PSMA7: variants seen among roughly 807,000 people sequenced by gnomAD.
PSMA7 encodes the protein proteasome subunit alpha type-7.
In PSMA7, 5 loss-of-function variants were observed where a neutral mutation model predicts 31.3. That is an observed-to-expected ratio of 0.16 (90% confidence interval 0.08 to 0.34). The LOEUF (loss-of-function observed/expected upper bound fraction) is 0.34. PSMA7 is among the 10% of genes least tolerant of loss of function. PSMA7 has a pLI of 1.00. For synonymous variants in PSMA7, 155 were observed against 121.9 expected, an observed-to-expected ratio of 1.27 and a Z score of -1.79; for missense variants, 217 against 327.5, an observed-to-expected ratio of 0.66 and a Z score of 2.60.
chr20:62,142,607 G>GC (rs2043943916), intron 1 of PSMA7: 4 of 152,252 alleles, frequency 2.6e-5, no homozygotes, highest in Admixed American at 2.6e-4. Context: ...CTGCAGCCCG[G>GC]CCCCGGGAAG....
chr20:62,137,679 T>A (rs548187064), intron 5 of PSMA7, among the ~76,000 whole-genome samples: 1 of 152,274 alleles, frequency 6.6e-6, no homozygotes, highest in South Asian at 2.1e-4. Context: ...CTCCAGGCCC[T>A]CCTCTTGACA....
Position 62,139,866 on chromosome 20 carries a change from C to A in PSMA7, c.263G>T (p.Arg88Leu). 1 of 1,613,978 alleles carries A rather than the reference C, an allele frequency of 6.2e-7. No homozygotes were observed. Among genetic ancestry groups the A allele is most frequent in the Non-Finnish European group, 8.5e-7 (1 of 1,180,016 alleles). ...ADARIVINRARVECQSHRLTV... is the reference protein window; with the variant it reads ...ADARIVINRALVECQSHRLTV... The stretch of plus-strand genomic sequence containing the variant: ...CAGCCGGTGGCTCTGGCACTCCACC[C>A]GGGCCCTGTTGATGACTATCCTTGC... Residue 88 changes from arginine to leucine, a missense_variant, in exon 3 of 7, where the codon CGG (arginine) becomes CTG (leucine). Transcript: ENST00000370873.
Position 62,143,325 on chromosome 20 carries a change from T to A in PSMA7, c.-22A>T. On this transcript the variant is annotated 5_prime_UTR_variant, in exon 1 of 7. Coordinates refer to ENST00000370873, the MANE Select transcript of PSMA7 (RefSeq NM_002792.4). ...TCATGCCGGCGGGCGGCGGCCGGGCTCCTTCCGCCGCGACTCTCAAAAGCG... is the reference window on the plus strand; with the variant it reads ...TCATGCCGGCGGGCGGCGGCCGGGCACCTTCCGCCGCGACTCTCAAAAGCG... The A allele has an allele frequency of 3.7e-6, 5 of 1,362,424 alleles. No homozygotes were observed. Among genetic ancestry groups the A allele is most frequent in the Non-Finnish European group, 4.8e-6 (5 of 1,038,626 alleles). The allele number at this position is 1,362,424 out of a possible 1,614,324, so 84.4% of individuals were successfully genotyped here.
At position 62,137,392 on chromosome 20, in the gene PSMA7, G is replaced by T; in HGVS notation, c.626C>A (p.Ala209Asp). Reference protein sequence around the residue: ...VQSGGKNIELAVMRRDQSLKI... With the variant: ...VQSGGKNIELDVMRRDQSLKI... ...GAGGGATTGATCTCGCCTCATGACA[G>T]CAAGTTCAATGTTTTTGCCACCTGA... Residue 209 changes from alanine to aspartate, a missense_variant, in exon 6 of 7, where the codon GCT (alanine) becomes GAT (aspartate). Around this residue, in one of 3 missense-constraint regions of PSMA7, gnomAD observed 88 missense variants for 111.6 expected, o/e 0.79. Transcript: ENST00000370873. 1 of 1,614,176 alleles carries T rather than the reference G, an allele frequency of 6.2e-7. No homozygotes were observed.
rs2056897348 is a variant in PSMA7 at position 62,136,897 on chromosome 20, TTTTC to T, written c.703_706del (p.Glu235LysfsTer16). The T allele has an allele frequency of 1.2e-6, 2 of 1,600,322 alleles. No homozygotes were observed. The highest frequency in any genetic ancestry group is 1.7e-6 in the Non-Finnish European group (2 of 1,175,432). On this transcript the variant is annotated frameshift_variant, in exon 7 of 7. Transcript: ENST00000370873. LOFTEE classifies it high-confidence loss of function. ...TTGTTTCTTCTTTTCGTTTTCTTCT[TTTTC>T]TTTTTCAATTTCAGCAACATACTTC...
chr20:62,136,865 C>G lies in PSMA7; in HGVS notation c.739G>C (p.Ala247Pro), dbSNP rs188168012. Residue 247 changes from alanine to proline, a missense_variant, in exon 7 of 7, where the codon GCA (alanine) becomes CCA (proline). Ala to Pro is a conservative substitution (Grantham distance 27, BLOSUM62 -1). Around this residue, in one of 3 missense-constraint regions of PSMA7, gnomAD observed 88 missense variants for 111.6 expected, o/e 0.79. Coordinates refer to ENST00000370873, the MANE Select transcript of PSMA7 (RefSeq NM_002792.4). ...CAAAGACATTTTATTCATCATGATGCTTTCTTTTGTTTCTTCTTTTCGTTT... is the reference window on the plus strand; with the variant it reads ...CAAAGACATTTTATTCATCATGATGGTTTCTTTTGTTTCTTCTTTTCGTTT... ...EENEKKKQKK[A>P]S The G allele has an allele frequency of 1.7e-5, 27 of 1,597,460 alleles. No individual in the cohort carries two copies. In the East Asian group the frequency reaches 6.0e-4, roughly 36 times the overall value.
chr20:62,139,939 GAC>G (rs1443069924), intron 2 of PSMA7, 34 bp from the exon 3 acceptor site: 2 of 1,606,328 alleles, frequency 1.2e-6, no homozygotes, highest in Non-Finnish European at 8.5e-7. Flanking sequence ...CTGCTAGAGA[GAC>G]AGCACAAACT....
At chr20:62,140,790 T>C (rs373341635) in intron 2 of PSMA7, 28 bp downstream of exon 2, 2 of 1,612,928 alleles carry the variant, frequency 1.2e-6, no homozygotes, top group African/African-American at 1.3e-5. Flanking sequence ...CTCTAGAGAG[T>C]AAGACAGCGC....
intron 1 of PSMA7, among the ~76,000 whole-genome samples, chr20:62,141,602 A>T (rs1404170480): frequency 1.3e-5 from 2 of 152,216 alleles, no homozygotes; most frequent in African/African-American, 4.8e-5. Context: ...CAACCCAATG[A>T]ATCAGTCCCA....
At position 62,139,845 on chromosome 20, in the gene PSMA7, C is replaced by T. The variant is rs757469011; in HGVS notation, c.284G>A (p.Arg95Gln). 1.4e-5 allele frequency: 23 copies of T among 1,613,964 alleles called. No individual in the cohort carries two copies. Among genetic ancestry groups the T allele is most frequent in the Non-Finnish European group, 1.8e-5 (21 of 1,180,040 alleles). ...NRARVECQSH[R>Q]LTVEDPVTVE... ...AGTGACCGGGTCCTCCACAGTCAGC[C>T]GGTGGCTCTGGCACTCCACCCGGGC... is the stretch of plus-strand genomic sequence containing the variant. Residue 95 changes from arginine (R) to glutamine (Q), a missense_variant, in exon 3 of 7, where the codon CGG (arginine) becomes CAG (glutamine). Coordinates refer to ENST00000370873, the MANE Select transcript of PSMA7 (RefSeq NM_002792.4).
intron 4 of PSMA7, among the ~76,000 whole-genome samples, 163 bp downstream of exon 4, chr20:62,138,912 T>TC (rs1397364135): frequency 6.6e-6 from 1 of 152,196 alleles, no homozygotes. Context: ...TTGATTTTCT[T>TC]CCAAACAGCA....
In PSMA7 at chr20:62,140,102, TG is replaced by T. The variant is rs1739947954; in HGVS notation, c.224-198del. Among the ~76,000 whole-genome samples, 4 of 152,294 alleles carry T rather than the reference TG, an allele frequency of 2.6e-5. No individual in the cohort carries two copies. In the South Asian group the frequency reaches 8.3e-4, roughly 32 times the overall value. Reference sequence around the variant, plus strand: ...GGTACAGATGCTTCTTGATGTGCAGTGGGGTGGTATCCCGCTAAACTCATCG... The same window carrying T: ...GGTACAGATGCTTCTTGATGTGCAGTGGGTGGTATCCCGCTAAACTCATCG... On this transcript the variant is annotated intron_variant, in intron 2 of 6. Coordinates refer to ENST00000370873, the MANE Select transcript of PSMA7 (RefSeq NM_002792.4).
chr20:62,136,743 G>A lies in PSMA7; in HGVS notation c.*114C>T, dbSNP rs989229292. 41 of 1,397,306 alleles carry A rather than the reference G, an allele frequency of 2.9e-5. No individual in the cohort carries two copies. In the African/African-American group the frequency reaches 4.9e-4, roughly 17 times the overall value. The allele number at this position is 1,397,306 out of a possible 1,614,324, so 86.6% of individuals were successfully genotyped here. A position where few individuals can be genotyped will look rare whatever the true frequency, so the allele number is the denominator to read the frequency against. On this transcript the variant is annotated 3_prime_UTR_variant, in exon 7 of 7. Transcript: ENST00000370873. ...AAAAAAAAAAACAGGTTAAAAATAC[G>A]GAAGTTTATTGTAGGACACTCAGTG...
intron 1 of PSMA7, among the ~76,000 whole-genome samples, chr20:62,142,846 C>A (rs1348784483): frequency 2.0e-5 from 3 of 151,718 alleles, no homozygotes; most frequent in Non-Finnish European, 2.9e-5. Context: ...CCCAGAGCGG[C>A]CCTCGCCCGG....
intron 5 of PSMA7, among the ~76,000 whole-genome samples, chr20:62,137,914 G>A (rs542004517): frequency 2.9e-4 from 44 of 152,188 alleles, no homozygotes; most frequent in Non-Finnish European, 5.0e-4. Context: ...CCTGCCTCTG[G>A]TTCTCATGCT....
chr20:62,138,107 C>G (rs2056905902), intron 5 of PSMA7, 64 bp downstream of exon 5: 2 of 1,609,686 alleles, frequency 1.2e-6, no homozygotes, highest in Admixed American at 3.3e-5. Flanking sequence ...GCTCATCTAC[C>G]TACCACTCAC....
intron 3 of PSMA7, chr20:62,139,494 C>T: frequency 4.6e-6 from 3 of 654,514 alleles, no homozygotes; most frequent in Non-Finnish European, 7.8e-6. Context: ...GGCTTCCAGC[C>T]CCCTTCAACT....
chr20:62,143,084 C>T, intron 1 of PSMA7, 124 bp downstream of exon 1: 1 of 420,788 alleles, frequency 2.4e-6, no homozygotes, highest in Non-Finnish European at 3.2e-6. Context: ...CCTGACCGCC[C>T]GCGCCGCTGC....
At position 62,138,279 on chromosome 20, in the gene PSMA7, T is replaced by C. The variant is rs1316019792; in HGVS notation, c.483A>G (p.Ile161Met). The change falls in exon 5 of 7, where the codon ATA becomes ATG. Residue 161 changes from isoleucine (I) to methionine (M), a missense_variant. Transcript: ENST00000370873. ...CGCGCACTGACTTGGCACCCCGACC[T>C]ATGGCATTGGCCTAAAACAGACACG... ...GTYHAWKANA[I>M]GRGAKSVREF... 6.2e-7 allele frequency: 1 copy of C among 1,609,270 alleles called. No homozygotes were observed. The highest frequency in any genetic ancestry group is 1.3e-5 in the African/African-American group (1 of 75,024).
Sources: allele counts gnomAD v4.1 joint callset (sites outside exome capture counted in the v4.1 genomes callset), GRCh38; gene constraint gnomAD v4.1.1; regional missense constraint gnomAD v4.1.1; transcripts MANE v1.5; gene names NCBI Gene and HGNC (gene_info 2026-07-23, HGNC 2026-07-21).